FPR3: variants seen among roughly 807,000 people sequenced by gnomAD.
The protein encoded by FPR3 is N-formyl peptide receptor 3.
For missense variants in FPR3, 346 were observed against 443.2 expected, an observed-to-expected ratio of 0.78 and a Z score of 1.97; for synonymous variants, 135 against 163.6, an observed-to-expected ratio of 0.83 and a Z score of 1.34.
chr19:51,798,298 C>T (rs2122408540), intron 1 of FPR3, among the ~76,000 whole-genome samples: 1 of 152,178 alleles, frequency 6.6e-6, no homozygotes, highest in South Asian at 2.1e-4. Context: ...TGGGGAGTTG[C>T]TACTGGCATC....
chr19:51,806,043 T>C (rs2084056719), intron 1 of FPR3, among the ~76,000 whole-genome samples: 1 of 152,230 alleles, frequency 6.6e-6, no homozygotes, highest in Non-Finnish European at 1.5e-5. Flanking sequence ...TACCTGGAGC[T>C]GGTCCTTCTG....
At chr19:51,820,955 GCATGTGAGTAATGTT>G (rs1330706992) in intron 1 of FPR3, among the ~76,000 whole-genome samples, 1 of 152,190 alleles carries the variant, frequency 6.6e-6, no homozygotes, top group African/African-American at 2.4e-5. Context: ...GAAGCTCTTG[GCATGTGAGTAATGTT>G]CATAAGTAGT....
At chr19:51,815,426 G>T (rs951344285) in intron 1 of FPR3, among the ~76,000 whole-genome samples, 9 of 151,900 alleles carry the variant, frequency 5.9e-5, no homozygotes, top group African/African-American at 2.2e-4. Flanking sequence ...CAGGCATGGT[G>T]ATGTGCGCCT....
chr19:51,818,224 A>G (rs2084157803), intron 1 of FPR3, among the ~76,000 whole-genome samples: 1 of 152,202 alleles, frequency 6.6e-6, no homozygotes. Flanking sequence ...AACGCCATGT[A>G]TCTCATTAAT....
At chr19:51,814,284 T>C (rs920216600) in intron 1 of FPR3, among the ~76,000 whole-genome samples, 2 of 152,196 alleles carry the variant, frequency 1.3e-5, no homozygotes, top group African/African-American at 4.8e-5. Context: ...TCTCCTCCGA[T>C]TTAGACCTTT....
intron 1 of FPR3, among the ~76,000 whole-genome samples, chr19:51,813,279 A>G (rs1262601603): frequency 6.6e-6 from 1 of 152,152 alleles, no homozygotes; most frequent in African/African-American, 2.4e-5. Flanking sequence ...GAGTCCTCAC[A>G]TGGTAAAAGG....
chr19:51,813,866 A>G (rs112867717), intron 1 of FPR3, among the ~76,000 whole-genome samples: 1,952 of 152,270 alleles, frequency 0.013, 40 homozygotes, highest in African/African-American at 0.045. Flanking sequence ...TGAGACAGGC[A>G]TGTGAATGAA....
At chr19:51,811,981 A>T (rs1419209472) in intron 1 of FPR3, among the ~76,000 whole-genome samples, 1 of 152,214 alleles carries the variant, frequency 6.6e-6, no homozygotes, top group Admixed American at 6.5e-5. Flanking sequence ...TATTGTCTTG[A>T]GAAGGCAACT....
intron 1 of FPR3, among the ~76,000 whole-genome samples, chr19:51,819,617 T>C (rs1018146848): frequency 3.9e-5 from 6 of 152,190 alleles, no homozygotes; most frequent in Admixed American, 1.3e-4. Context: ...TGTGTATCCT[T>C]AGGAGAGTGC....
intron 1 of FPR3, among the ~76,000 whole-genome samples, chr19:51,802,691 T>A (rs2122416012): frequency 6.6e-6 from 1 of 152,330 alleles, no homozygotes; most frequent in Non-Finnish European, 1.5e-5. Context: ...TTAAGTGTAA[T>A]GTTTGCTGTC....
In FPR3 at chr19:51,824,660, T is replaced by C; in HGVS notation, c.912T>C (p.Phe304=). 1 of 1,614,144 alleles carries C rather than the reference T, an allele frequency of 6.2e-7. No individual in the cohort carries two copies. The highest frequency in any genetic ancestry group is 8.5e-7 in the Non-Finnish European group (1 of 1,180,004). The change falls in exon 2 of 2, where the codon TTT becomes TTC. Residue 304 remains phenylalanine, a synonymous_variant. Coordinates refer to ENST00000339223, the MANE Select transcript of FPR3 (RefSeq NM_002030.5). This position sits in a 1 kb window ranked among gnomAD's most constrained non-coding sequence, Gnocchi z 4.7. ...NSCLNPILYV[F]MGRNFQERLI... ...GCCTCAACCCAATTCTCTACGTCTTTATGGGTCGTAACTTCCAAGAAAGAC... is the reference window on the plus strand; with the variant it reads ...GCCTCAACCCAATTCTCTACGTCTTCATGGGTCGTAACTTCCAAGAAAGAC...
At chr19:51,823,211 C>T (rs183225319) in intron 1 of FPR3, among the ~76,000 whole-genome samples, 1 of 152,200 alleles carries the variant, frequency 6.6e-6, no homozygotes, top group East Asian at 1.9e-4. Context: ...GTTCAAAATC[C>T]TCTTCAGCTA....
intron 1 of FPR3, among the ~76,000 whole-genome samples, 170 bp downstream of exon 1, chr19:51,795,501 A>ATTTTTTTTTTTTTTTTTTTTTTTTTT (rs1361472024): frequency 2.6e-5 from 2 of 77,076 alleles, no homozygotes; most frequent in African/African-American, 6.0e-5. Context: ...TTCCAGTAAC[A>ATTTTTTTTTTTTTTTTTTTTTTTTTT]TTCTTTTTTT....
intron 1 of FPR3, among the ~76,000 whole-genome samples, chr19:51,817,010 G>T (rs2084142034): frequency 6.6e-6 from 1 of 152,110 alleles, no homozygotes; most frequent in South Asian, 2.1e-4. Flanking sequence ...AGAAGAAAGG[G>T]CCTGGACTCT....
At chr19:51,806,822 T>C (rs544892368) in intron 1 of FPR3, among the ~76,000 whole-genome samples, 2 of 152,382 alleles carry the variant, frequency 1.3e-5, no homozygotes, top group East Asian at 3.9e-4. Context: ...TAAGCAGTTC[T>C]GGGTCTAGCG....
rs747242544 is a variant in FPR3, at chr19:51,824,142, T to C, written c.394T>C (p.Trp132Arg). ...CTGTATTTGTGTCCTGCATCCAGCC[T>C]GGGCCCAGAACCATCGCACCATGAG... Reference protein sequence around the residue: ...DRCICVLHPAWAQNHRTMSLA... With the variant: ...DRCICVLHPARAQNHRTMSLA... Residue 132 changes from tryptophan to arginine, a missense_variant, in exon 2 of 2, where the codon TGG (tryptophan) becomes CGG (arginine). Trp to Arg is a moderately radical substitution (Grantham distance 101, BLOSUM62 -3). Transcript: ENST00000339223. This position sits in a 1 kb window ranked among gnomAD's most constrained non-coding sequence, Gnocchi z 4.7. The C allele has an allele frequency of 9.3e-6, 15 of 1,613,920 alleles. 1 individual carries two copies. In the South Asian group the frequency reaches 1.5e-4, roughly 17 times the overall value.
chr19:51,810,057 G>A (rs1204305862), intron 1 of FPR3, among the ~76,000 whole-genome samples: 3 of 152,138 alleles, frequency 2.0e-5, no homozygotes, highest in African/African-American at 7.2e-5. Flanking sequence ...GCATTGTAAG[G>A]TCCTTTCTGT....
chr19:51,804,932 CAGTT>C (rs1330618245), intron 1 of FPR3: 1 of 152,254 alleles, frequency 6.6e-6, no homozygotes, highest in African/African-American at 2.4e-5. Flanking sequence ...AAGAAGAGGT[CAGTT>C]GGTTGGTCCA....
intron 1 of FPR3, among the ~76,000 whole-genome samples, chr19:51,795,712 A>G (rs1373687608): frequency 6.6e-6 from 1 of 151,648 alleles, no homozygotes; most frequent in East Asian, 1.9e-4. Context: ...ACGGGGTTTC[A>G]ATATGTTGGC....
Sources: gnomAD v4.1 joint callset for allele counts (sites outside exome capture counted in the v4.1 genomes callset) on GRCh38, gnomAD v4.1.1 for gene constraint, Gnocchi (gnomAD v3.1) non-coding constraint, MANE v1.5 for transcripts, NCBI Gene and HGNC (gene_info 2026-07-23, HGNC 2026-07-21) for gene names.